Variants in PPP2R3B observed in about 807,000 individuals in gnomAD.
PPP2R3B encodes serine/threonine-protein phosphatase 2A regulatory subunit B'' subunit beta.
In PPP2R3B, 68 loss-of-function variants were observed where a neutral mutation model predicts 72.9. The observed-to-expected ratio is 0.93, with a 90% confidence interval of 0.77 to 1.14. The LOEUF (loss-of-function observed/expected upper bound fraction) is 1.14, where lower values mean the gene tolerates loss of function less well. PPP2R3B is among the 50% of genes most tolerant of loss of function. The pLI, the probability that PPP2R3B is intolerant of heterozygous loss-of-function variation, is 0.00. For synonymous variants in PPP2R3B, 466 were observed against 375.8 expected (o/e 1.24, Z -2.78); for missense variants, 1,018 against 842.0 (o/e 1.21, Z -2.59).
Position 366,951 on chromosome X carries a change from C to A in PPP2R3B, c.325-5361G>T, listed in dbSNP as rs1228363709. ...GCTGAGGCAGGAGAATCGCTTAAAC[C>A]CGGGAGGCGGAGGGTGCGGTGAGCT... On this transcript the variant is annotated intron_variant, in intron 1 of 12. Coordinates refer to ENST00000390665, the MANE Select transcript of PPP2R3B (RefSeq NM_013239.5). 1.7e-3 allele frequency among the ~76,000 whole-genome samples: 256 copies of A among 147,620 alleles called. 2 individuals carry two copies. The highest frequency in any genetic ancestry group is 5.6e-3 in the African/African-American group (215 of 38,586).
At chrX:371,445 G>T (rs1194096889) in intron 1 of PPP2R3B, among the ~76,000 whole-genome samples, 1 of 152,158 alleles carries the variant, frequency 6.6e-6, no homozygotes, top group Non-Finnish European at 1.5e-5. Flanking sequence ...GTGGCAGGGA[G>T]GAGGAGGAGC....
intron 2 of PPP2R3B, among the ~76,000 whole-genome samples, chrX:357,507 G>C (rs1238740568): frequency 6.6e-6 from 1 of 152,218 alleles, no homozygotes; most frequent in Non-Finnish European, 1.5e-5. Context: ...ATACGTTAGT[G>C]TGTAGCATGA....
chrX:383,005 G>A (rs1198792073), intron 1 of PPP2R3B, among the ~76,000 whole-genome samples: 1 of 152,124 alleles, frequency 6.6e-6, no homozygotes, highest in Non-Finnish European at 1.5e-5. Context: ...TTCCTAAGGT[G>A]CTTCAGGTTT....
rs199773416 is a variant in PPP2R3B, at chrX:340,924, G to A, written c.1192C>T (p.Arg398Cys). Residue 398 changes from arginine to cysteine, a missense_variant, in exon 10 of 13, where the codon CGC (arginine) becomes TGC (cysteine). Physicochemically the swap from Arg to Cys is radical, Grantham distance 180. Transcript: ENST00000390665. ...KTPTSIEYWF[R>C]CMDLDGDGAL... is the part of the protein sequence containing the mutation. Reference sequence around the variant, plus strand: ...CCGTCCCCGTCCAGGTCCATGCAGCGGAACCAGTACTCGATGCTGCGGCAC... The same window carrying A: ...CCGTCCCCGTCCAGGTCCATGCAGCAGAACCAGTACTCGATGCTGCGGCAC... 2.1e-5 allele frequency: 34 copies of A among 1,611,534 alleles called. No individual in the cohort carries two copies. The highest frequency in any genetic ancestry group is 2.2e-5 in the East Asian group (1 of 44,836).
chrX:346,178 A>C lies in PPP2R3B; in HGVS notation c.875T>G (p.Leu292Arg). ...TCAELRRSSF[L>R]QNVALLEEEA... ...GGACAGGGGGCCGCTCCGCACCTGC[A>C]GGAAGGAGCTCCTCCGCAGCTCGGC... Residue 292 changes from leucine to arginine, a missense_variant, in exon 6 of 13, where the codon CTG becomes CGG. Coordinates refer to ENST00000390665, the MANE Select transcript of PPP2R3B (RefSeq NM_013239.5). 6.4e-7 allele frequency: 1 copy of C among 1,557,766 alleles called. No individual in the cohort carries two copies. The highest frequency in any genetic ancestry group is 1.2e-5 in the South Asian group (1 of 84,854).
chrX:338,869 C>A lies in PPP2R3B; in HGVS notation c.1379G>T (p.Arg460Leu), dbSNP rs141968088. The change falls in exon 11 of 13, where the codon CGC (arginine) becomes CTC (leucine). Residue 460 changes from arginine to leucine, a missense_variant. Transcript: ENST00000390665. ...GAAGAAGACGTTAGCCAGCTTGCAGCGCTTCAGGTCCTGCAGCGTGATCTT... is the reference window on the plus strand; with the variant it reads ...GAAGAAGACGTTAGCCAGCTTGCAGAGCTTCAGGTCCTGCAGCGTGATCTT... ...EGKITLQDLK[R>L]CKLANVFFDT... 1 of 1,612,308 alleles carries A rather than the reference C, an allele frequency of 6.2e-7. No individual in the cohort carries two copies. Among genetic ancestry groups the A allele is most frequent in the Non-Finnish European group, 8.5e-7 (1 of 1,179,694 alleles).
At position 358,057 on chromosome X, in the gene PPP2R3B, G is replaced by A. The variant is rs183851406; in HGVS notation, c.510+3348C>T. Among the ~76,000 whole-genome samples the A allele has an allele frequency of 3.3e-3, 495 of 152,286 alleles. 4 individuals are homozygous for A. Among genetic ancestry groups the A allele is most frequent in the African/African-American group, 0.011 (477 of 41,574 alleles). Reference sequence around the variant, plus strand: ...AAAGTCCACCCGCCTGACAACACGCGTGTGGAGCTGTGACTCCAGGCCCTC... The same window carrying A: ...AAAGTCCACCCGCCTGACAACACGCATGTGGAGCTGTGACTCCAGGCCCTC... On this transcript the variant is annotated intron_variant, in intron 2 of 12. Coordinates refer to ENST00000390665, the MANE Select transcript of PPP2R3B (RefSeq NM_013239.5).
Position 334,399 on chromosome X carries a change from C to G in PPP2R3B, c.1696G>C (p.Ala566Pro). ...GGCTCCAGGTCCTCGTCCCCGCATG[C>G]GTACTCGTACAGGTCCACGGCGCCC... Reference protein sequence around the residue: ...PLGAVDLYEYACGDEDLEPL With the variant: ...PLGAVDLYEYPCGDEDLEPL Residue 566 changes from alanine to proline, a missense_variant, in exon 13 of 13, where the codon GCA becomes CCA. Ala to Pro is a conservative substitution (Grantham distance 27). Transcript: ENST00000390665. 6.4e-7 allele frequency: 1 copy of G among 1,561,004 alleles called. No individual in the cohort carries two copies. Among genetic ancestry groups the G allele is most frequent in the South Asian group, 1.2e-5 (1 of 85,674 alleles).
chrX:341,721 T>G (rs1208971489), intron 8 of PPP2R3B, 162 bp downstream of exon 8: 5 of 803,608 alleles, frequency 6.2e-6, no homozygotes, highest in Admixed American at 2.0e-5. Context: ...CCCCCCCCAC[T>G]AGGGATTCAC....
In PPP2R3B at chrX:379,201, G is replaced by A. The variant is rs781593198; in HGVS notation, c.324+7167C>T. ...TGGACCTATGTATGTGTGTATGCGTGTGTATGCACCTGTGTATGCACCTGT... is the reference window on the plus strand; with the variant it reads ...TGGACCTATGTATGTGTGTATGCGTATGTATGCACCTGTGTATGCACCTGT... On this transcript the variant is annotated intron_variant, in intron 1 of 12. Transcript: ENST00000390665. Among the ~76,000 whole-genome samples the A allele has an allele frequency of 2.7e-5, 4 of 149,208 alleles. No homozygotes were observed. The East Asian group carries it at 7.8e-4, about 29-fold the overall frequency.
intron 1 of PPP2R3B, among the ~76,000 whole-genome samples, chrX:362,551 G>A (rs1052708094): frequency 1.5e-4 from 23 of 150,476 alleles, no homozygotes; most frequent in Admixed American, 4.0e-4. Context: ...ACAGGGCTGT[G>A]TCCTCCTTGA....
chrX:382,247 G>C (rs1290007285), intron 1 of PPP2R3B, among the ~76,000 whole-genome samples: 1 of 149,544 alleles, frequency 6.7e-6, no homozygotes, highest in South Asian at 2.1e-4. Flanking sequence ...ACCCAGGCTG[G>C]AGTGCAGTGG....
chrX:350,083 C>G (rs1444954795), intron 2 of PPP2R3B, among the ~76,000 whole-genome samples: 1 of 152,220 alleles, frequency 6.6e-6, no homozygotes, highest in Non-Finnish European at 1.5e-5. Context: ...GGATATGAGT[C>G]CCACTGCCCG....
At chrX:374,245 C>G (rs1040079766) in intron 1 of PPP2R3B, among the ~76,000 whole-genome samples, 29 of 152,174 alleles carry the variant, frequency 1.9e-4, no homozygotes, top group Non-Finnish European at 3.8e-4. Context: ...CACGACAACA[C>G]CAGAGCTGGC....
intron 1 of PPP2R3B, among the ~76,000 whole-genome samples, chrX:382,280 C>G (rs1403737752): frequency 2.0e-5 from 3 of 150,530 alleles, no homozygotes; most frequent in African/African-American, 7.3e-5. Flanking sequence ...TCACTGCAAT[C>G]TCCGCCTCCC....
intron 2 of PPP2R3B, among the ~76,000 whole-genome samples, chrX:350,542 C>T (rs1052072388): frequency 7.5e-5 from 11 of 147,008 alleles, no homozygotes; most frequent in African/African-American, 1.9e-4. Flanking sequence ...CGAACACGAC[C>T]GAGTGGACAT....
chrX:352,295 A>G (rs937536618), intron 2 of PPP2R3B, among the ~76,000 whole-genome samples: 6 of 152,246 alleles, frequency 3.9e-5, no homozygotes, highest in Non-Finnish European at 8.8e-5. Flanking sequence ...GGGGCCCGGC[A>G]ACGCGGCGGC....
At chrX:342,348 CGGG>C (rs1569381732) in intron 7 of PPP2R3B, 6 of 193,234 alleles carry the variant, frequency 3.1e-5, no homozygotes, top group Non-Finnish European at 6.3e-5. Flanking sequence ...CAACGGGAGG[CGGG>C]AGTGAGACCT....
Position 342,034 on chromosome X carries a change from G to A in PPP2R3B, c.1037-103C>T, listed in dbSNP as rs1466533055. ...GATGCGGTGGGGACCGAAAAGCTGA[G>A]AGGACGCCTGGGTCTGGGAGAGCCC... On this transcript the variant is annotated intron_variant, in intron 7 of 12. Coordinates refer to ENST00000390665, the MANE Select transcript of PPP2R3B (RefSeq NM_013239.5). The A allele has an allele frequency of 7.0e-6, 10 of 1,438,530 alleles. No individual in the cohort carries two copies. The Middle Eastern group carries it at 5.9e-4, about 85-fold the overall frequency. 89.1% of individuals were successfully genotyped at this position (1,438,530 alleles called of 1,614,324 possible). A position where few individuals can be genotyped will look rare whatever the true frequency, so the allele number is the denominator to read the frequency against.
Sources: allele counts gnomAD v4.1 joint callset (sites outside exome capture counted in the v4.1 genomes callset), GRCh38; gene constraint gnomAD v4.1.1; transcripts MANE v1.5; gene names NCBI Gene and HGNC (gene_info 2026-07-23, HGNC 2026-07-21).